UNC5D: variants seen among roughly 807,000 people sequenced by gnomAD.
UNC5D encodes the protein netrin receptor UNC5D.
UNC5D carries 39 observed loss-of-function variants against 105.4 expected under a neutral mutation model. The observed-to-expected ratio is 0.37, with a 90% CI of 0.29 to 0.48. The LOEUF (loss-of-function observed/expected upper bound fraction) is 0.48. Among genes scored for constraint, UNC5D ranks in the 20% least tolerant of loss-of-function variants. UNC5D has a pLI of 0.98. For missense variants in UNC5D, 991 were observed against 1,202.4 expected (o/e 0.82, Z 2.60); for synonymous variants, 452 against 450.4 (o/e 1.00, Z -0.04).
At chr8:35,270,554 A>G (rs1314270728) in intron 1 of UNC5D, among the ~76,000 whole-genome samples, 1 of 152,184 alleles carries the variant, frequency 6.6e-6, no homozygotes, top group Non-Finnish European at 1.5e-5. Context: ...ATAATACAAT[A>G]GGCTTTCTTA....
intron 1 of UNC5D, among the ~76,000 whole-genome samples, chr8:35,308,730 A>C (rs1268433180): frequency 6.6e-5 from 10 of 152,290 alleles, no homozygotes; most frequent in African/African-American, 2.4e-4. Context: ...ATCAATAATG[A>C]TTATTCCTTT....
chr8:35,290,878 G>A (rs1369759966), intron 1 of UNC5D, among the ~76,000 whole-genome samples: 1 of 151,196 alleles, frequency 6.6e-6, no homozygotes, highest in Middle Eastern at 3.2e-3. Flanking sequence ...AACCTGGGAG[G>A]TAGAGGTTGC....
chr8:35,379,199 C>G (rs966651026), intron 1 of UNC5D, among the ~76,000 whole-genome samples: 4 of 152,174 alleles, frequency 2.6e-5, no homozygotes, highest in Non-Finnish European at 5.9e-5. Context: ...CAGGAGATCA[C>G]CAAAGCCTAG....
intron 1 of UNC5D, among the ~76,000 whole-genome samples, chr8:35,345,824 TC>T (rs1260837140): frequency 6.6e-6 from 1 of 152,016 alleles, no homozygotes; most frequent in Non-Finnish European, 1.5e-5. Context: ...ATTTTATGAT[TC>T]CAATACAGAC....
chr8:35,727,553 T>A (rs1828943368), intron 10 of UNC5D: 1 of 152,214 alleles, frequency 6.6e-6, no homozygotes, highest in Admixed American at 6.5e-5. Context: ...GAGACTGAAA[T>A]TCATTTCTAG....
chr8:35,568,950 C>T (rs1023094772), intron 3 of UNC5D, among the ~76,000 whole-genome samples: 7 of 150,928 alleles, frequency 4.6e-5, no homozygotes, highest in Non-Finnish European at 1.5e-5. Context: ...ACATTAAAGA[C>T]ATTAAGGGAT....
At chr8:35,756,850 C>T (rs1340594155) in intron 13 of UNC5D, among the ~76,000 whole-genome samples, 2 of 152,154 alleles carry the variant, frequency 1.3e-5, no homozygotes, top group African/African-American at 2.4e-5. Flanking sequence ...CAAGTCACTT[C>T]ATTTCCTGGC....
At chr8:35,686,089 G>T (rs1487274681) in intron 6 of UNC5D, among the ~76,000 whole-genome samples, 1 of 152,068 alleles carries the variant, frequency 6.6e-6, no homozygotes, top group South Asian at 2.1e-4. Context: ...CAATATATTT[G>T]GGTTTAACTT....
In UNC5D at chr8:35,549,474, G is replaced by A. The variant is rs267601904; in HGVS notation, c.286G>A (p.Glu96Lys). The A allele has an allele frequency of 1.9e-6, 3 of 1,612,184 alleles. No homozygotes were observed. Among genetic ancestry groups the A allele is most frequent in the East Asian group, 2.2e-5 (1 of 44,890 alleles). Residue 96 changes from glutamate (E) to lysine (K), a missense_variant, in exon 2 of 17, where the codon GAG becomes AAG. Physicochemically the swap from Glu to Lys is moderately conservative, Grantham distance 56. This residue lies in a region of UNC5D where 944 missense variants were observed against 1,131.6 expected (regional missense o/e 0.83). Coordinates refer to ENST00000404895, the MANE Select transcript of UNC5D (RefSeq NM_080872.4). ...KCNGEWVHQN[E>K]HVSEETLDES... ...CAACGGCGAGTGGGTCCATCAGAAC[G>A]AGCACGTCTCTGAAGAGACTCTGGA...
At chr8:35,420,249 A>G (rs1805807980) in intron 1 of UNC5D, among the ~76,000 whole-genome samples, 1 of 152,154 alleles carries the variant, frequency 6.6e-6, no homozygotes. Flanking sequence ...GAAGCTACAG[A>G]GCTTTTATTA....
intron 1 of UNC5D, among the ~76,000 whole-genome samples, chr8:35,448,246 G>A (rs1253383234): frequency 6.6e-6 from 1 of 152,014 alleles, no homozygotes; most frequent in Non-Finnish European, 1.5e-5. Context: ...GGGGTTTGGG[G>A]GCTCCAGTCT....
intron 1 of UNC5D, among the ~76,000 whole-genome samples, chr8:35,438,442 G>C (rs1016423539): frequency 6.6e-6 from 1 of 152,052 alleles, no homozygotes; most frequent in African/African-American, 2.4e-5. Context: ...ATGGTTTGGA[G>C]AGTTTAATGG....
At chr8:35,330,874 A>C (rs1172127900) in intron 1 of UNC5D, among the ~76,000 whole-genome samples, 1 of 152,156 alleles carries the variant, frequency 6.6e-6, no homozygotes, top group Non-Finnish European at 1.5e-5. Flanking sequence ...AGTGGGTTTA[A>C]AAATGATTGT....
intron 1 of UNC5D, among the ~76,000 whole-genome samples, chr8:35,379,935 A>C (rs2128931159): frequency 6.6e-6 from 1 of 151,398 alleles, no homozygotes; most frequent in African/African-American, 2.4e-5. Context: ...TTCCATAATG[A>C]AGTACTGTAG....
chr8:35,357,063 G>A (rs1650612530), intron 1 of UNC5D, among the ~76,000 whole-genome samples: 1 of 152,102 alleles, frequency 6.6e-6, no homozygotes, highest in African/African-American at 2.4e-5. Context: ...GATGAGGGGG[G>A]CTACTGTGTT....
intron 10 of UNC5D, chr8:35,727,641 C>T (rs1012550659): frequency 2.0e-5 from 3 of 152,120 alleles, no homozygotes; most frequent in Non-Finnish European, 4.4e-5. Context: ...TTTACTTCAT[C>T]AAAATAGCCC....
At chr8:35,247,520 C>CTATA (rs1460211783) in intron 1 of UNC5D, among the ~76,000 whole-genome samples, 1 of 122,100 alleles carries the variant, frequency 8.2e-6, no homozygotes, top group Non-Finnish European at 1.6e-5. Context: ...TTCTCTCTCT[C>CTATA]TCTATATATA....
At chr8:35,383,715 C>T (rs1352266495) in intron 1 of UNC5D, among the ~76,000 whole-genome samples, 1 of 152,126 alleles carries the variant, frequency 6.6e-6, no homozygotes, top group Admixed American at 6.5e-5. Context: ...AGTGTATGAC[C>T]TTGTTTTATT....
chr8:35,237,683 G>A (rs1054971898), intron 1 of UNC5D, among the ~76,000 whole-genome samples: 7 of 152,166 alleles, frequency 4.6e-5, no homozygotes, highest in African/African-American at 1.7e-4. Context: ...TACAACAAAT[G>A]TCTTGCACAG....
Sources: gnomAD v4.1 joint callset for allele counts (sites outside exome capture counted in the v4.1 genomes callset) on GRCh38, gnomAD v4.1.1 for gene constraint, gnomAD v4.1.1 regional missense constraint, MANE v1.5 for transcripts, NCBI Gene and HGNC (gene_info 2026-07-23, HGNC 2026-07-21) for gene names.